ABLIM3: variants seen among roughly 807,000 people sequenced by gnomAD.
The protein encoded by ABLIM3 is actin-binding LIM protein 3.
Under a neutral mutation model 109.5 loss-of-function variants are expected in ABLIM3, and 61 were observed. The ratio of observed to expected loss-of-function variants is 0.56; its 90% CI spans 0.45 to 0.69. The LOEUF (loss-of-function observed/expected upper bound fraction) is 0.69. ABLIM3 is among the 30% of genes least tolerant of loss of function. The pLI is 0.00. For missense variants in ABLIM3, 796 were observed against 889.5 expected, an observed-to-expected ratio of 0.89 and a Z score of 1.34; for synonymous variants, 300 against 324.8, an observed-to-expected ratio of 0.92 and a Z score of 0.82.
rs1754724813 is a variant in ABLIM3 at position 149,259,479 on chromosome 5, G to C, written c.*1075G>C. The C allele has an allele frequency of 1.3e-6, 2 of 1,535,778 alleles. No homozygotes were observed. The highest frequency in any genetic ancestry group is 1.4e-5 in the African/African-American group (1 of 73,050). On this transcript the variant is annotated 3_prime_UTR_variant, in exon 24 of 24. Transcript: ENST00000309868. ...GTCTATGCCTCTGGTCTGTGGGCTG[G>C]CAGGGCAACCATACCATACCCCCGC...
At chr5:149,256,827 G>T (rs1021989340) in intron 23 of ABLIM3, among the ~76,000 whole-genome samples, 1 of 152,198 alleles carries the variant, frequency 6.6e-6, no homozygotes, top group African/African-American at 2.4e-5. Flanking sequence ...TCTCTTTTGT[G>T]TAGTTTTGAC....
At position 149,237,352 on chromosome 5, in the gene ABLIM3, G is replaced by A; in HGVS notation, c.889-96G>A. The A allele has an allele frequency of 3.1e-6, 4 of 1,292,726 alleles. No individual in the cohort carries two copies. In the South Asian group the frequency reaches 5.6e-5, roughly 18 times the overall value. 80.1% of individuals were successfully genotyped at this position (1,292,726 alleles called of 1,614,324 possible). On this transcript the variant is annotated intron_variant, in intron 10 of 23. Coordinates refer to ENST00000309868, the MANE Select transcript of ABLIM3 (RefSeq NM_014945.5). ...TCTGTTTGTGGTGGAAACTGGAGAA[G>A]TTTGTTCCTTCTGTATCTTGTTTTT... is the stretch of plus-strand genomic sequence containing the variant.
At chr5:149,233,938 C>G (rs1361567759) in intron 10 of ABLIM3, among the ~76,000 whole-genome samples, 1 of 152,182 alleles carries the variant, frequency 6.6e-6, no homozygotes, top group African/African-American at 2.4e-5. Flanking sequence ...GTTCAATGAC[C>G]TCAGAGGCCC....
At chr5:149,222,494 G>T (rs1054830752) in intron 8 of ABLIM3, among the ~76,000 whole-genome samples, 1 of 151,922 alleles carries the variant, frequency 6.6e-6, no homozygotes, top group Admixed American at 6.6e-5. Flanking sequence ...TTAGGCAGAG[G>T]GTCCATAGCT....
At chr5:149,206,959 G>T (rs554197614) in intron 5 of ABLIM3, 49 bp from the exon 6 acceptor site, 6 of 1,588,120 alleles carry the variant, frequency 3.8e-6, no homozygotes, top group Non-Finnish European at 5.2e-6. Context: ...GATAGCGGGG[G>T]TTAAAGGGCC....
chr5:149,161,041 T>C (rs958534018), intron 2 of ABLIM3, among the ~76,000 whole-genome samples: 14 of 152,170 alleles, frequency 9.2e-5, no homozygotes, highest in Non-Finnish European at 1.6e-4. Flanking sequence ...ACCACCTTCT[T>C]TCTTGGGTTT....
intron 2 of ABLIM3, among the ~76,000 whole-genome samples, chr5:149,161,034 A>G (rs1754318000): frequency 6.6e-6 from 1 of 151,724 alleles, no homozygotes; most frequent in Non-Finnish European, 1.5e-5. Flanking sequence ...TAATCAGACC[A>G]CCTTCTTTCT....
intron 3 of ABLIM3, among the ~76,000 whole-genome samples, chr5:149,192,663 T>C (rs1360755496): frequency 6.7e-6 from 1 of 149,712 alleles, no homozygotes; most frequent in Non-Finnish European, 1.5e-5. Context: ...AAAGAAACAC[T>C]CTGCCTAATA....
intron 10 of ABLIM3, 94 bp from the exon 11 acceptor site, chr5:149,237,354 T>C: frequency 7.8e-7 from 1 of 1,286,572 alleles, no homozygotes. Flanking sequence ...CTGGAGAAGT[T>C]TGTTCCTTCT....
At chr5:149,252,567 G>T in intron 22 of ABLIM3, 190 bp from the exon 23 acceptor site, 1 of 591,852 alleles carries the variant, frequency 1.7e-6, no homozygotes. Context: ...GACTCTCTTG[G>T]GCCTTGTCTT....
intron 2 of ABLIM3, among the ~76,000 whole-genome samples, chr5:149,144,724 A>G (rs187248676): frequency 2.0e-4 from 31 of 152,322 alleles, no homozygotes; most frequent in Middle Eastern, 6.8e-3. Context: ...GGCTTCTTCA[A>G]GTCATGCAGT....
chr5:149,249,813 A>G lies in ABLIM3; in HGVS notation c.1700-2A>G. 1 of 1,614,162 alleles carries G rather than the reference A, an allele frequency of 6.2e-7. No individual in the cohort carries two copies. Among genetic ancestry groups the G allele is most frequent in the Non-Finnish European group, 8.5e-7 (1 of 1,180,008 alleles). ...ATGACCTTCAGCTTTTCTCTCCTGC[A>G]GCCCCTCGGTCGCACTACCTGGCTG... On this transcript the variant is annotated splice_acceptor_variant, in intron 18 of 23. Transcript: ENST00000309868. LOFTEE classifies it high-confidence loss of function.
At chr5:149,230,621 A>T in intron 8 of ABLIM3, 28 bp from the exon 9 acceptor site, 5 of 1,613,010 alleles carry the variant, frequency 3.1e-6, no homozygotes, top group Non-Finnish European at 4.2e-6. Context: ...GAAAGGTCTG[A>T]GTCTTCGTTA....
chr5:149,242,823 A>G (rs536815993), intron 15 of ABLIM3, among the ~76,000 whole-genome samples: 28 of 152,340 alleles, frequency 1.8e-4, no homozygotes, highest in African/African-American at 6.3e-4. Flanking sequence ...AAACCTTTGT[A>G]AAACGCACAT....
intron 8 of ABLIM3, among the ~76,000 whole-genome samples, chr5:149,227,218 ACT>A (rs1761396652): frequency 6.6e-6 from 1 of 152,110 alleles, no homozygotes; most frequent in Non-Finnish European, 1.5e-5. Flanking sequence ...CTGACTGCTG[ACT>A]CTGCTAACGA....
At chr5:149,189,121 T>C (rs1056602959) in intron 3 of ABLIM3, among the ~76,000 whole-genome samples, 4 of 152,120 alleles carry the variant, frequency 2.6e-5, no homozygotes, top group African/African-American at 9.7e-5. Context: ...AATGGTCTTT[T>C]CAAAAAAAGG....
chr5:149,171,477 T>C (rs1755420907), intron 2 of ABLIM3, among the ~76,000 whole-genome samples: 1 of 152,214 alleles, frequency 6.6e-6, no homozygotes, highest in South Asian at 2.1e-4. Context: ...ACAAAGCACT[T>C]TGCTCACACT....
At chr5:149,181,009 G>A (rs1756406505) in intron 2 of ABLIM3, among the ~76,000 whole-genome samples, 1 of 152,170 alleles carries the variant, frequency 6.6e-6, no homozygotes, top group Admixed American at 6.5e-5. Context: ...AATTAGAGGA[G>A]GTAGATGAAA....
intron 14 of ABLIM3, 33 bp from the exon 15 acceptor site, chr5:149,242,458 C>A (rs1424802677): frequency 6.2e-7 from 1 of 1,610,372 alleles, no homozygotes; most frequent in Admixed American, 1.7e-5. Flanking sequence ...TCTCTCTCCC[C>A]TCCCCACTGT....
Sources: gnomAD v4.1 joint callset for allele counts (sites outside exome capture counted in the v4.1 genomes callset) on GRCh38, gnomAD v4.1.1 for gene constraint, MANE v1.5 for transcripts, NCBI Gene and HGNC (gene_info 2026-07-23, HGNC 2026-07-21) for gene names.